STK32B: variants seen among roughly 807,000 people sequenced by gnomAD.
The protein encoded by STK32B is serine/threonine-protein kinase 32B.
STK32B carries 43 observed loss-of-function variants against 52.6 expected under a neutral mutation model. The observed-to-expected ratio is 0.82, with a 90% CI of 0.64 to 1.05. The LOEUF is 1.05. STK32B is among the 50% of genes least tolerant of loss of function. STK32B has a pLI of 0.00. For synonymous variants in STK32B, 238 were observed against 204.3 expected, an observed-to-expected ratio of 1.17 and a Z score of -1.41; for missense variants, 621 against 534.6, an observed-to-expected ratio of 1.16 and a Z score of -1.59.
At chr4:5,114,122 A>G (rs2108804689) in intron 1 of STK32B, among the ~76,000 whole-genome samples, 1 of 152,096 alleles carries the variant, frequency 6.6e-6, no homozygotes, top group East Asian at 1.9e-4. Context: ...CTACCTCATC[A>G]GCATCATGTC....
intron 3 of STK32B, among the ~76,000 whole-genome samples, chr4:5,326,201 A>T (rs1731862980): frequency 1.3e-5 from 2 of 152,178 alleles, no homozygotes; most frequent in African/African-American, 4.8e-5. Flanking sequence ...CTGGTTATTA[A>T]TGCAATGTTT....
intron 3 of STK32B, among the ~76,000 whole-genome samples, chr4:5,251,362 T>G (rs1251586426): frequency 6.6e-6 from 1 of 152,190 alleles, no homozygotes; most frequent in Non-Finnish European, 1.5e-5. Flanking sequence ...ACTGCTTGTT[T>G]TTGTTGACTT....
intron 6 of STK32B, among the ~76,000 whole-genome samples, chr4:5,431,801 C>T (rs1316444601): frequency 1.3e-5 from 2 of 152,244 alleles, no homozygotes; most frequent in South Asian, 4.1e-4. Context: ...CATGTTATCT[C>T]AAATTAATAT....
chr4:5,087,931 A>G (rs766816167), intron 1 of STK32B, among the ~76,000 whole-genome samples: 20 of 152,106 alleles, frequency 1.3e-4, no homozygotes, highest in Non-Finnish European at 2.4e-4. Context: ...CTTGAACAAT[A>G]TAAATGAACT....
intron 11 of STK32B, among the ~76,000 whole-genome samples, chr4:5,478,127 T>G (rs969960595): frequency 1.3e-5 from 2 of 152,294 alleles, no homozygotes; most frequent in Middle Eastern, 6.8e-3. Context: ...TGTGACCTAC[T>G]ACCAGTTGCC....
intron 1 of STK32B, among the ~76,000 whole-genome samples, chr4:5,129,446 G>T (rs538996768): frequency 6.6e-6 from 1 of 152,154 alleles, no homozygotes; most frequent in Non-Finnish European, 1.5e-5. Flanking sequence ...CATTGTAGGC[G>T]TCTTATCCTG....
chr4:5,497,029 G>A (rs1720323459), intron 11 of STK32B, among the ~76,000 whole-genome samples: 1 of 152,200 alleles, frequency 6.6e-6, no homozygotes, highest in Non-Finnish European at 1.5e-5. Context: ...ATATTGTAGT[G>A]AGGCAGTCTT....
chr4:5,211,502 G>C (rs893787693), intron 3 of STK32B, among the ~76,000 whole-genome samples: 18 of 139,576 alleles, frequency 1.3e-4, no homozygotes, highest in Non-Finnish European at 4.7e-5. Context: ...CAAACCACTG[G>C]AGGTCCCCAG....
chr4:5,205,585 C>T (rs751113690), intron 3 of STK32B, among the ~76,000 whole-genome samples: 20 of 152,092 alleles, frequency 1.3e-4, no homozygotes, highest in East Asian at 1.2e-3. Flanking sequence ...GTGGCAGATA[C>T]GGTTTTCCAT....
chr4:5,224,360 T>A (rs1352291367), intron 3 of STK32B, among the ~76,000 whole-genome samples: 1 of 152,196 alleles, frequency 6.6e-6, no homozygotes, highest in African/African-American at 2.4e-5. Flanking sequence ...CTGCATATCT[T>A]TTTTGGAGGG....
chr4:5,328,814 G>A lies in STK32B; in HGVS notation c.261-2406G>A, dbSNP rs149900318. ...AAGTGAAGTGCAGTAAAACAAGGTAGTCCTGTGCTTCCCAGCGAGGCTGTA... is the reference window on the plus strand; with the variant it reads ...AAGTGAAGTGCAGTAAAACAAGGTAATCCTGTGCTTCCCAGCGAGGCTGTA... On this transcript the variant is annotated intron_variant, in intron 3 of 11. Transcript: ENST00000282908. 3.3e-5 allele frequency among the ~76,000 whole-genome samples: 5 copies of A among 152,260 alleles called. No individual in the cohort carries two copies. In the East Asian group the frequency reaches 9.7e-4, roughly 30 times the overall value.
chr4:5,332,707 T>C (rs1732355759), intron 4 of STK32B, among the ~76,000 whole-genome samples: 1 of 152,118 alleles, frequency 6.6e-6, no homozygotes, highest in African/African-American at 2.4e-5. Flanking sequence ...CCGTGTGTTA[T>C]CATTGTTCAG....
At chr4:5,120,218 T>C (rs1436907535) in intron 1 of STK32B, among the ~76,000 whole-genome samples, 1 of 152,126 alleles carries the variant, frequency 6.6e-6, no homozygotes, top group African/African-American at 2.4e-5. Flanking sequence ...ATCGACATCG[T>C]CATGGCTTGA....
At chr4:5,493,497 C>G (rs182070120) in intron 11 of STK32B, among the ~76,000 whole-genome samples, 2 of 152,302 alleles carry the variant, frequency 1.3e-5, no homozygotes, top group East Asian at 1.9e-4. Context: ...TCCTAGCAGT[C>G]TATCAATTTT....
intron 3 of STK32B, among the ~76,000 whole-genome samples, chr4:5,225,562 GT>G (rs1261670413): frequency 7.2e-5 from 11 of 152,132 alleles, no homozygotes; most frequent in Middle Eastern, 6.8e-3. Flanking sequence ...TTATCTTCTG[GT>G]TGGGAAGGAG....
chr4:5,310,564 G>A (rs1406203924), intron 3 of STK32B, among the ~76,000 whole-genome samples: 4 of 152,132 alleles, frequency 2.6e-5, no homozygotes, highest in South Asian at 4.2e-4. Flanking sequence ...GTGGAGAAAA[G>A]GGAACTCTAG....
the STK32B span, among the ~76,000 whole-genome samples, chr4:5,021,352 C>T: frequency 1.3e-3 from 197 of 152,294 alleles, 5 homozygotes; most frequent in Admixed American, 0.011. Context: ...ACATAGGGAC[C>T]GCGGCCTTCG....
chr4:5,059,654 C>G (rs1382962181), intron 1 of STK32B, among the ~76,000 whole-genome samples: 2 of 152,166 alleles, frequency 1.3e-5, no homozygotes, highest in African/African-American at 4.8e-5. Flanking sequence ...TACGCCAATA[C>G]ATTCGAAGTG....
chr4:5,324,264 T>C (rs772844447), intron 3 of STK32B, among the ~76,000 whole-genome samples: 7 of 151,996 alleles, frequency 4.6e-5, no homozygotes, highest in Non-Finnish European at 1.0e-4. Context: ...TGAGGCAGGA[T>C]AATTGCTTGA....
Sources: allele counts gnomAD v4.1 joint callset (sites outside exome capture counted in the v4.1 genomes callset), GRCh38; gene constraint gnomAD v4.1.1; transcripts MANE v1.5; gene names NCBI Gene and HGNC (gene_info 2026-07-23, HGNC 2026-07-21).